The following CCDC57 variants were observed in gnomAD, a reference collection of about 807,000 sequenced individuals.
The protein encoded by CCDC57 is coiled-coil domain containing 57, also known as coiled-coil domain-containing protein 57.
CCDC57 carries 118 observed loss-of-function variants against 118.9 expected under a neutral mutation model. The observed-to-expected ratio is 0.99, with a 90% CI of 0.86 to 1.16. The LOEUF is 1.16. Among genes scored for constraint, CCDC57 ranks in the 50% most tolerant of loss-of-function variants. The pLI is 0.00. For missense variants in CCDC57, 1,300 were observed against 1,320.7 expected (o/e 0.98, Z 0.24); for synonymous variants, 527 against 532.9 (o/e 0.99, Z 0.15).
At chr17:82,145,818 G>C in intron 16 of CCDC57, 1 of 465,746 alleles carries the variant, frequency 2.1e-6, no homozygotes, top group Non-Finnish European at 4.5e-6. Context: ...GGCAGGTGAA[G>C]CTCCTTATCT....
intron 16 of CCDC57, among the ~76,000 whole-genome samples, chr17:82,147,805 T>G (rs1233325024): frequency 6.3e-5 from 4 of 63,180 alleles, no homozygotes; most frequent in South Asian, 6.2e-4. Flanking sequence ...GGTGGGTGGG[T>G]GAATAGATGA....
intron 1 of CCDC57, among the ~76,000 whole-genome samples, chr17:82,210,400 T>C (rs986805260): frequency 6.6e-6 from 1 of 151,910 alleles, no homozygotes; most frequent in Non-Finnish European, 1.5e-5. Flanking sequence ...TGCTGGGCGT[T>C]GTGGCTCAGG....
chr17:82,104,733 G>A (rs1423699340), intron 19 of CCDC57: 2 of 152,172 alleles, frequency 1.3e-5, no homozygotes, highest in African/African-American at 4.8e-5. Context: ...TAGAGACGGG[G>A]TTTCACCATG....
At chr17:82,157,505 GC>G (rs924311349) in intron 15 of CCDC57, 1 of 1,421,032 alleles carries the variant, frequency 7.0e-7, no homozygotes, top group South Asian at 1.5e-5. Context: ...GGCCCGTCCC[GC>G]CCCCCACCAA....
At chr17:82,149,190 CGGATGGATGAGTGGGTGGATGAAT>C (rs1368630933) in intron 16 of CCDC57, among the ~76,000 whole-genome samples, 1 of 78,768 alleles carries the variant, frequency 1.3e-5, no homozygotes, top group Non-Finnish European at 2.4e-5. Context: ...GGGTGGATGG[CGGATGGATGAGTGGGTGGATGAAT>C]GGATGGGTGG....
intron 19 of CCDC57, chr17:82,126,949 C>A (rs2037524400): frequency 1.0e-6 from 1 of 985,284 alleles, no homozygotes; most frequent in African/African-American, 1.7e-5. Context: ...CGCTCCCGCC[C>A]CAACCACATC....
intron 13 of CCDC57, among the ~76,000 whole-genome samples, chr17:82,168,408 A>G (rs1439071588): frequency 1.3e-5 from 2 of 152,202 alleles, no homozygotes; most frequent in Non-Finnish European, 1.5e-5. Flanking sequence ...CAGCCTGGCC[A>G]ACATGGTGAA....
intron 16 of CCDC57, among the ~76,000 whole-genome samples, chr17:82,149,430 A>G (rs898050680): frequency 1.3e-5 from 2 of 152,036 alleles, no homozygotes; most frequent in African/African-American, 4.8e-5. Flanking sequence ...TGTGTCCAAG[A>G]TGCCCAGCCT....
intron 15 of CCDC57, 40 bp from the exon 15 acceptor site, chr17:82,151,813 C>T (rs2042100534): frequency 2.0e-6 from 3 of 1,528,104 alleles, no homozygotes; most frequent in Non-Finnish European, 2.6e-6. Context: ...TGTGAGGCTG[C>T]CCTCATGGGA....
At chr17:82,188,335 C>T (rs2146619588) in exon 8 of CCDC57, 1 of 1,609,098 alleles carries the variant, frequency 6.2e-7, no homozygotes, top group East Asian at 2.2e-5. Context: ...TGGTCTGCAG[C>T]TCCTGCAGCT....
At chr17:82,199,205 T>C (rs1206198591) in intron 3 of CCDC57, among the ~76,000 whole-genome samples, 1 of 151,220 alleles carries the variant, frequency 6.6e-6, no homozygotes, top group Non-Finnish European at 1.5e-5. Flanking sequence ...AGGCTGGGTG[T>C]GGTGGCTCAC....
At chr17:82,106,707 C>G (rs566734400) in intron 19 of CCDC57, 2 of 152,530 alleles carry the variant, frequency 1.3e-5, no homozygotes, top group African/African-American at 4.8e-5. Flanking sequence ...CCTCATGCCC[C>G]TTGGGCCAGG....
At chr17:82,184,132 C>T (rs1203661674) in intron 8 of CCDC57, among the ~76,000 whole-genome samples, 200 bp from the exon 8 acceptor site, 1 of 150,428 alleles carries the variant, frequency 6.6e-6, no homozygotes, top group Non-Finnish European at 1.5e-5. Flanking sequence ...TGGTTCCGCA[C>T]AGGAAGAATT....
chr17:82,179,168 C>T, exon 10 of CCDC57: 8 of 1,613,852 alleles, frequency 5.0e-6, no homozygotes, highest in Non-Finnish European at 6.8e-6. Flanking sequence ...TTTCCACTGC[C>T]AGGGACAGCT....
At chr17:82,101,843 C>G (rs200933911) in exon 20 of CCDC57, 2 of 1,578,324 alleles carry the variant, frequency 1.3e-6, no homozygotes, top group Non-Finnish European at 8.6e-7. Flanking sequence ...GGCCTCCTGT[C>G]GGCTGCTGGA....
At position 82,104,612 on chromosome 17, in the gene CCDC57, C is replaced by T. The variant is rs112361011; in HGVS notation, c.2900-2746G>A. Among the ~76,000 whole-genome samples the T allele has an allele frequency of 7.2e-4, 109 of 152,358 alleles. 2 individuals carry two copies. The highest frequency in any genetic ancestry group is 2.3e-3 in the African/African-American group (96 of 41,586). On this transcript the variant is annotated intron_variant, in intron 19 of 19. Coordinates refer to ENST00000665763, the Ensembl canonical transcript of CCDC57. Reference sequence around the variant, plus strand: ...GGAGTGCAGTGGCGTGATCTCAGCTCACTGCAAGCTCCGCCTCCCGGGTTC... The same window carrying T: ...GGAGTGCAGTGGCGTGATCTCAGCTTACTGCAAGCTCCGCCTCCCGGGTTC...
chr17:82,159,682 T>A (rs1041421203), intron 14 of CCDC57, among the ~76,000 whole-genome samples: 59 of 152,044 alleles, frequency 3.9e-4, no homozygotes, highest in African/African-American at 1.2e-3. Flanking sequence ...TTCTTTTTTT[T>A]TTTTTTTGAG....
exon 8 of CCDC57, chr17:82,188,307 CCTGCAGCTCCAGAACCCTGGT>C (rs2047230912): frequency 1.2e-6 from 2 of 1,601,206 alleles, no homozygotes; most frequent in Non-Finnish European, 1.7e-6. Flanking sequence ...TCGCAGTGGG[CCTGCAGCTCCAGAACCCTGGT>C]CTGCAGCTCC....
chr17:82,172,531 T>C lies in CCDC57; in HGVS notation c.1729+107A>G. On this transcript the variant is annotated intron_variant, in intron 12 of 19. Transcript: ENST00000665763. This position sits in a 1 kb window ranked among gnomAD's most constrained non-coding sequence, Gnocchi z 5.2. ...CAGGGGATGTTAACTTATAGGACTC[T>C]GAAATGAAGCCTCCTTGAAGCCAGT... 1 of 932,736 alleles carries C rather than the reference T, an allele frequency of 1.1e-6. No individual in the cohort carries two copies. The highest frequency in any genetic ancestry group is 2.6e-5 in the East Asian group (1 of 38,106). The allele number at this position is 932,736 out of a possible 1,614,324, so 57.8% of individuals were successfully genotyped here.
Sources: allele counts gnomAD v4.1 joint callset (sites outside exome capture counted in the v4.1 genomes callset), GRCh38; gene constraint gnomAD v4.1.1; non-coding constraint Gnocchi (gnomAD v3.1); transcripts MANE v1.5; gene names NCBI Gene and HGNC (gene_info 2026-07-23, HGNC 2026-07-21).